The following CDS2 variants were observed in gnomAD, a reference collection of about 807,000 sequenced individuals.
CDS2 encodes phosphatidate cytidylyltransferase 2.
In CDS2, 47 loss-of-function variants were observed where a neutral mutation model predicts 59.0. That is an observed-to-expected ratio of 0.80 (90% confidence interval 0.63 to 1.02). The LOEUF is 1.02. Ranked by LOEUF, CDS2 falls within the 50% of genes least tolerant of loss-of-function variation. CDS2 has a pLI of 0.00. For missense variants in CDS2, 356 were observed against 558.9 expected, an observed-to-expected ratio of 0.64 and a Z score of 3.66; for synonymous variants, 207 against 206.4, an observed-to-expected ratio of 1.00 and a Z score of -0.02.
At chr20:5,178,083 G>T (rs2281557) in intron 4 of CDS2, among the ~76,000 whole-genome samples, 2 of 152,092 alleles carry the variant, frequency 1.3e-5, no homozygotes, top group South Asian at 4.1e-4. Context: ...GCTGCATGGT[G>T]CCATACTCAG....
chr20:5,164,436 C>T (rs1189825030), intron 1 of CDS2, among the ~76,000 whole-genome samples: 6 of 152,024 alleles, frequency 3.9e-5, no homozygotes. Flanking sequence ...TACCAGATGG[C>T]GATTTATGAT....
rs547280281 is a variant in CDS2 at position 5,152,173 on chromosome 20, T to C, written c.58-21350T>C. On this transcript the variant is annotated intron_variant, in intron 1 of 12. Coordinates refer to ENST00000460006, the MANE Select transcript of CDS2 (RefSeq NM_003818.4). Reference sequence around the variant, plus strand: ...TGATACAAGTATATTTTTGTTCAAGTTTTTTTTTCTTTTTTTCCTGGTGCT... The same window carrying C: ...TGATACAAGTATATTTTTGTTCAAGCTTTTTTTTCTTTTTTTCCTGGTGCT... Among the ~76,000 whole-genome samples the C allele has an allele frequency of 7.9e-5, 12 of 151,442 alleles. No homozygotes were observed. In the South Asian group the frequency reaches 2.5e-3, roughly 32 times the overall value.
intron 5 of CDS2, among the ~76,000 whole-genome samples, chr20:5,180,501 G>T (rs2091026145): frequency 6.6e-6 from 1 of 151,998 alleles, no homozygotes; most frequent in Non-Finnish European, 1.5e-5. Context: ...CATGGCATTT[G>T]TAAACTGCCA....
chr20:5,164,065 G>C (rs6038078), intron 1 of CDS2, among the ~76,000 whole-genome samples: 5,071 of 152,076 alleles, frequency 0.033, 132 homozygotes, highest in East Asian at 0.08. Context: ...GCTGGGATTA[G>C]AGGCACGAGC....
At chr20:5,134,511 T>C (rs1007982859) in intron 1 of CDS2, among the ~76,000 whole-genome samples, 12 of 152,176 alleles carry the variant, frequency 7.9e-5, no homozygotes, top group African/African-American at 2.9e-4. Flanking sequence ...TTTAAGAGTT[T>C]TATTTTTATT....
intron 1 of CDS2, among the ~76,000 whole-genome samples, chr20:5,168,056 T>C (rs2090925494): frequency 6.6e-6 from 1 of 152,064 alleles, no homozygotes; most frequent in Non-Finnish European, 1.5e-5. Context: ...CTTAGGCAAA[T>C]ATGAACAGAA....
chr20:5,178,808 C>T lies in CDS2; in HGVS notation c.390-9C>T. 6.2e-7 allele frequency: 1 copy of T among 1,614,018 alleles called. No individual in the cohort carries two copies. The highest frequency in any genetic ancestry group is 8.5e-7 in the Non-Finnish European group (1 of 1,179,902). ...GCTCCCCACGGCAATGACCTGTCTT[C>T]ATTTACAGGTACTTTCTCCTGTGTG... On this transcript the variant is annotated splice_polypyrimidine_tract_variant and intron_variant, in intron 4 of 12. Coordinates refer to ENST00000460006, the MANE Select transcript of CDS2 (RefSeq NM_003818.4).
chr20:5,163,241 GT>G (rs943174907), intron 1 of CDS2, among the ~76,000 whole-genome samples: 56 of 152,080 alleles, frequency 3.7e-4, no homozygotes, highest in African/African-American at 1.3e-3. Context: ...GGCCAAAGTA[GT>G]TTTTTTTGTT....
chr20:5,130,063 C>A (rs1458649979), intron 1 of CDS2, among the ~76,000 whole-genome samples: 2 of 152,132 alleles, frequency 1.3e-5, no homozygotes, highest in East Asian at 3.9e-4. Context: ...ACCTCCACCT[C>A]CCGTGTTCAA....
chr20:5,154,837 G>A (rs534959064), intron 1 of CDS2, among the ~76,000 whole-genome samples: 251 of 152,296 alleles, frequency 1.6e-3, no homozygotes, highest in African/African-American at 5.8e-3. Flanking sequence ...TAGTAGAGAT[G>A]TGGTTTCACC....
chr20:5,169,512 C>T (rs1027766523), intron 1 of CDS2, among the ~76,000 whole-genome samples: 5 of 152,190 alleles, frequency 3.3e-5, no homozygotes, highest in Non-Finnish European at 7.3e-5. Flanking sequence ...TCTTGGGGCA[C>T]CTGCTATGTT....
chr20:5,179,027 G>T (rs1600509448), intron 5 of CDS2, 71 bp downstream of exon 5: 1 of 1,454,522 alleles, frequency 6.9e-7, no homozygotes, highest in East Asian at 2.3e-5. Context: ...AGGAATTGGG[G>T]AATTTCTTGG....
intron 1 of CDS2, among the ~76,000 whole-genome samples, chr20:5,141,584 G>A (rs2090694162): frequency 6.6e-6 from 1 of 152,100 alleles, no homozygotes; most frequent in South Asian, 2.1e-4. Context: ...TATCCAATAT[G>A]CAAATATTGT....
chr20:5,151,137 TG>T (rs1351239895), intron 1 of CDS2, among the ~76,000 whole-genome samples: 19 of 152,346 alleles, frequency 1.2e-4, no homozygotes, highest in Admixed American at 1.2e-3. Flanking sequence ...AATATTGCCA[TG>T]TTAGTGTTTA....
Position 5,191,672 on chromosome 20 carries a change from G to C in CDS2, c.*1438G>C, listed in dbSNP as rs1052896486. 1.3e-5 allele frequency: 2 copies of C among 152,214 alleles called. No individual in the cohort carries two copies. Among genetic ancestry groups the C allele is most frequent in the Non-Finnish European group, 2.9e-5 (2 of 68,066 alleles). 9.4% of individuals were successfully genotyped at this position (152,214 alleles called of 1,614,324 possible). A position where few individuals can be genotyped will look rare whatever the true frequency, so the allele number is the denominator to read the frequency against. ...TCCCTGAAAGTGCACAGTCAGCCCA[G>C]GTCTCTAGAGTGTCCAGCAGAGGAT... On this transcript the variant is annotated 3_prime_UTR_variant, in exon 13 of 13. Coordinates refer to ENST00000460006, the MANE Select transcript of CDS2 (RefSeq NM_003818.4).
At chr20:5,131,314 C>G (rs1224551781) in intron 1 of CDS2, among the ~76,000 whole-genome samples, 1 of 152,160 alleles carries the variant, frequency 6.6e-6, no homozygotes, top group Admixed American at 6.5e-5. Context: ...ATGTTCTCCT[C>G]TGGGAACTGT....
intron 1 of CDS2, among the ~76,000 whole-genome samples, chr20:5,138,833 T>C (rs2090669499): frequency 6.6e-6 from 1 of 151,970 alleles, no homozygotes; most frequent in African/African-American, 2.4e-5. Context: ...ATCGCACCAC[T>C]GCACTGCAGT....
intron 1 of CDS2, among the ~76,000 whole-genome samples, chr20:5,142,723 A>C (rs1417637245): frequency 6.6e-6 from 1 of 152,230 alleles, no homozygotes; most frequent in Non-Finnish European, 1.5e-5. Flanking sequence ...AAGAGTGAAA[A>C]GGAAGGCCAC....
At chr20:5,183,296 T>C (rs2091044659) in intron 7 of CDS2, 153 bp downstream of exon 7, 2 of 626,718 alleles carry the variant, frequency 3.2e-6, no homozygotes. Context: ...ACCCCTGACT[T>C]TTTGATTCAT....
Sources: gnomAD v4.1 joint callset for allele counts (sites outside exome capture counted in the v4.1 genomes callset) on GRCh38, gnomAD v4.1.1 for gene constraint, MANE v1.5 for transcripts, NCBI Gene and HGNC (gene_info 2026-07-23, HGNC 2026-07-21) for gene names.